Variants in FNDC3B observed in about 807,000 individuals in gnomAD.
FNDC3B encodes the protein fibronectin type III domain containing 3B.
FNDC3B carries 12 observed loss-of-function variants against 151.5 expected under a neutral mutation model. The ratio of observed to expected loss-of-function variants is 0.08; its 90% CI spans 0.05 to 0.13. The LOEUF is 0.13. Among genes scored for constraint, FNDC3B ranks in the 10% least tolerant of loss-of-function variants. FNDC3B has a pLI of 1.00. For missense variants in FNDC3B, 1,214 were observed against 1,505.3 expected, an observed-to-expected ratio of 0.81 and a Z score of 3.20; for synonymous variants, 528 against 549.0, an observed-to-expected ratio of 0.96 and a Z score of 0.54.
intron 14 of FNDC3B, 115 bp downstream of exon 14, chr3:172,333,290 C>T (rs921961292): frequency 8.0e-5 from 57 of 709,964 alleles, no homozygotes; most frequent in Non-Finnish European, 1.3e-4. Context: ...CAGCACTTTA[C>T]ATTTTGAAAG....
chr3:172,163,867 T>G (rs1262554857), intron 3 of FNDC3B, among the ~76,000 whole-genome samples: 5 of 152,246 alleles, frequency 3.3e-5, no homozygotes, highest in Non-Finnish European at 7.3e-5. Flanking sequence ...TTTTTAAAAA[T>G]GTTGTAATCT....
In FNDC3B at chr3:172,194,961, C is replaced by G. The variant is rs531619603; in HGVS notation, c.188-31910C>G. Among the ~76,000 whole-genome samples the G allele has an allele frequency of 3.3e-5, 5 of 152,274 alleles. No individual in the cohort carries two copies. The East Asian group carries it at 7.7e-4, about 23-fold the overall frequency. On this transcript the variant is annotated intron_variant, in intron 3 of 25. Transcript: ENST00000415807. ...TTAGCACCGCTGGGAGGTTGTTAAT[C>G]AGAGCTGTGGAGGACCTTACAGAAT...
intron 3 of FNDC3B, among the ~76,000 whole-genome samples, chr3:172,149,981 G>A (rs538544989): frequency 2.6e-5 from 4 of 151,964 alleles, no homozygotes; most frequent in African/African-American, 9.7e-5. Flanking sequence ...ACCGTGCCCA[G>A]CTAATTTTTG....
intron 9 of FNDC3B, among the ~76,000 whole-genome samples, chr3:172,300,924 CT>C (rs1730882661): frequency 6.6e-6 from 1 of 152,078 alleles, no homozygotes; most frequent in Non-Finnish European, 1.5e-5. Context: ...ACAGTCTTGT[CT>C]TTTTTAGGCT....
At chr3:172,228,920 G>A (rs1726730626) in intron 4 of FNDC3B, among the ~76,000 whole-genome samples, 1 of 152,052 alleles carries the variant, frequency 6.6e-6, no homozygotes, top group Non-Finnish European at 1.5e-5. Context: ...ATAGAATTGA[G>A]AAGCCAACAG....
chr3:172,346,681 T>C (rs1402605086), intron 20 of FNDC3B, among the ~76,000 whole-genome samples: 1 of 152,136 alleles, frequency 6.6e-6, no homozygotes, highest in Non-Finnish European at 1.5e-5. Context: ...TTTCTTTTTG[T>C]AAAAAATTTT....
At chr3:172,176,638 A>C (rs888024268) in intron 3 of FNDC3B, among the ~76,000 whole-genome samples, 1 of 152,204 alleles carries the variant, frequency 6.6e-6, no homozygotes, top group Non-Finnish European at 1.5e-5. Context: ...ATAATGTGAG[A>C]GTGCTTTGCA....
At chr3:172,322,278 G>A (rs1241326514) in intron 11 of FNDC3B, among the ~76,000 whole-genome samples, 1 of 152,156 alleles carries the variant, frequency 6.6e-6, no homozygotes, top group Non-Finnish European at 1.5e-5. Flanking sequence ...GACCTATCTG[G>A]GGCTCTTCAC....
At chr3:172,117,778 G>A (rs6792418) in intron 2 of FNDC3B, among the ~76,000 whole-genome samples, 4,747 of 152,270 alleles carry the variant, frequency 0.031, 251 homozygotes, top group African/African-American at 0.11. Context: ...GGAGGACATC[G>A]AGTAAATGAT....
At chr3:172,160,975 G>A (rs960285463) in intron 3 of FNDC3B, among the ~76,000 whole-genome samples, 2 of 152,142 alleles carry the variant, frequency 1.3e-5, no homozygotes, top group Admixed American at 6.5e-5. Flanking sequence ...AAGAGAAACA[G>A]CATAAGATTA....
intron 23 of FNDC3B, among the ~76,000 whole-genome samples, chr3:172,364,264 A>G (rs1312206009): frequency 6.6e-6 from 1 of 152,258 alleles, no homozygotes; most frequent in East Asian, 1.9e-4. Flanking sequence ...ACTAACAGAA[A>G]TCACAATCCA....
intron 7 of FNDC3B, among the ~76,000 whole-genome samples, chr3:172,288,054 T>C (rs769878347): frequency 3.3e-5 from 5 of 152,222 alleles, no homozygotes; most frequent in African/African-American, 4.8e-5. Flanking sequence ...TTTAGGCCCC[T>C]GAATCATGTA....
chr3:172,224,774 C>T (rs1260282900), intron 3 of FNDC3B, among the ~76,000 whole-genome samples: 2 of 152,182 alleles, frequency 1.3e-5, no homozygotes, highest in Non-Finnish European at 2.9e-5. Flanking sequence ...GCCGACAGCA[C>T]AACATACATT....
intron 3 of FNDC3B, among the ~76,000 whole-genome samples, chr3:172,177,354 A>G (rs1241571612): frequency 1.3e-5 from 2 of 152,180 alleles, no homozygotes; most frequent in African/African-American, 4.8e-5. Context: ...TTTACCCATT[A>G]CGTTAGAGCT....
intron 6 of FNDC3B, among the ~76,000 whole-genome samples, chr3:172,273,150 T>G (rs1301415049): frequency 1.3e-5 from 2 of 152,226 alleles, no homozygotes; most frequent in African/African-American, 4.8e-5. Context: ...AGAAACCAAC[T>G]ATTTAATAAT....
At chr3:172,386,291 A>ATATTCG (rs1553799842) in intron 25 of FNDC3B, among the ~76,000 whole-genome samples, 16 of 152,144 alleles carry the variant, frequency 1.1e-4, no homozygotes, top group African/African-American at 3.6e-4. Flanking sequence ...AAAACAATTC[A>ATATTCG]TATTCCTATT....
intron 10 of FNDC3B, among the ~76,000 whole-genome samples, chr3:172,310,090 T>C (rs1264414114): frequency 6.6e-6 from 1 of 152,208 alleles, no homozygotes; most frequent in African/African-American, 2.4e-5. Flanking sequence ...TCTCTAGATC[T>C]GTCTACCCTA....
At chr3:172,256,029 A>G (rs1728321054) in intron 6 of FNDC3B, among the ~76,000 whole-genome samples, 1 of 152,210 alleles carries the variant, frequency 6.6e-6, no homozygotes, top group African/African-American at 2.4e-5. Context: ...ACTACAGTTA[A>G]ATAGATCTCA....
chr3:172,281,344 C>G (rs1729714062), intron 6 of FNDC3B, among the ~76,000 whole-genome samples: 1 of 152,044 alleles, frequency 6.6e-6, no homozygotes, highest in African/African-American at 2.4e-5. Flanking sequence ...ATCCCGGGTT[C>G]AAGCGATCTC....
Sources: allele counts gnomAD v4.1 joint callset (sites outside exome capture counted in the v4.1 genomes callset), GRCh38; gene constraint gnomAD v4.1.1; transcripts MANE v1.5; gene names NCBI Gene and HGNC (gene_info 2026-07-23, HGNC 2026-07-21).